ELMO1: variants seen among roughly 807,000 people sequenced by gnomAD.
ELMO1 encodes the protein engulfment and cell motility 1.
ELMO1 carries 26 observed loss-of-function variants against 98.9 expected under a neutral mutation model. The observed-to-expected ratio is 0.26, with a 90% CI of 0.19 to 0.36. The LOEUF is 0.36. Among genes scored for constraint, ELMO1 ranks in the 10% least tolerant of loss-of-function variants. The pLI, the probability that ELMO1 is intolerant of heterozygous loss-of-function variation, is 1.00. For synonymous variants in ELMO1, 346 were observed against 346.0 expected (o/e 1.00, Z 0.00); for missense variants, 627 against 935.2 (o/e 0.67, Z 4.30).
In ELMO1 at chr7:37,342,031, TA is replaced by T. The variant is rs1800747937; in HGVS notation, c.78+581del. The stretch of plus-strand genomic sequence containing the variant: ...AAGCCACTTTTATAAGTCTTCTTGA[TA>T]TTTTTTAATTCAATAAACATTTGTT... On this transcript the variant is annotated intron_variant, in intron 2 of 21. Coordinates refer to ENST00000310758, the MANE Select transcript of ELMO1 (RefSeq NM_014800.11). This position sits in a 1 kb window ranked among gnomAD's most constrained non-coding sequence, Gnocchi z 4.3. 6.6e-6 allele frequency among the ~76,000 whole-genome samples: 1 copy of T among 152,202 alleles called. No individual in the cohort carries two copies. Among genetic ancestry groups the T allele is most frequent in the Non-Finnish European group, 1.5e-5 (1 of 68,024 alleles).
chr7:37,389,298 T>G (rs1324480445), intron 1 of ELMO1, among the ~76,000 whole-genome samples: 2 of 152,042 alleles, frequency 1.3e-5, no homozygotes, highest in East Asian at 3.9e-4. Context: ...TTTCAAAGAG[T>G]CCAAAATAAA....
intron 1 of ELMO1, among the ~76,000 whole-genome samples, chr7:37,365,282 C>T (rs1387758811): frequency 6.6e-6 from 1 of 152,182 alleles, no homozygotes; most frequent in Non-Finnish European, 1.5e-5. Context: ...TTGCTGAGCA[C>T]CGATCAATTC....
chr7:37,267,442 G>A (rs1205598858), intron 5 of ELMO1, among the ~76,000 whole-genome samples: 8 of 152,300 alleles, frequency 5.3e-5, no homozygotes, highest in South Asian at 2.1e-4. Context: ...ATGCTTGGGC[G>A]CGCGCACGCG....
chr7:37,324,987 A>G (rs1799720589), intron 2 of ELMO1, among the ~76,000 whole-genome samples: 1 of 152,174 alleles, frequency 6.6e-6, no homozygotes, highest in South Asian at 2.1e-4. Context: ...TATGAAGATT[A>G]ATTGAGATAA....
intron 4 of ELMO1, among the ~76,000 whole-genome samples, chr7:37,280,973 GGATA>G (rs1201712861): frequency 3.3e-5 from 5 of 149,282 alleles, no homozygotes; most frequent in Non-Finnish European, 7.4e-5. Context: ...ATCAACGAAT[GGATA>G]AAGAAACTGT....
At chr7:37,278,664 C>A (rs1420149586) in intron 4 of ELMO1, among the ~76,000 whole-genome samples, 1 of 152,224 alleles carries the variant, frequency 6.6e-6, no homozygotes, top group East Asian at 1.9e-4. Context: ...CTCCCATAAT[C>A]CCATGAGGTA....
At chr7:36,961,093 T>C (rs1788910948) in intron 16 of ELMO1, among the ~76,000 whole-genome samples, 6 of 152,206 alleles carry the variant, frequency 3.9e-5, no homozygotes, top group Non-Finnish European at 8.8e-5. Context: ...CCTCCAGTCA[T>C]TGATGCCATA....
intron 13 of ELMO1, among the ~76,000 whole-genome samples, chr7:37,133,659 C>T (rs1330909733): frequency 7.9e-5 from 12 of 152,170 alleles, no homozygotes; most frequent in Admixed American, 7.9e-4. Flanking sequence ...CTACCCACAC[C>T]TTGACTCCGC....
chr7:37,220,964 GGTAT>G (rs1793561408), intron 10 of ELMO1, among the ~76,000 whole-genome samples: 1 of 152,150 alleles, frequency 6.6e-6, no homozygotes, highest in Non-Finnish European at 1.5e-5. Flanking sequence ...GTCAAGCTTG[GGTAT>G]GTACACGGTG....
intron 14 of ELMO1, among the ~76,000 whole-genome samples, chr7:37,113,486 G>A (rs1785376783): frequency 6.6e-6 from 1 of 152,200 alleles, no homozygotes; most frequent in African/African-American, 2.4e-5. Context: ...CTTTATATCT[G>A]GAGGTGACAG....
chr7:37,226,193 G>A (rs1793866160), intron 8 of ELMO1, among the ~76,000 whole-genome samples: 1 of 152,164 alleles, frequency 6.6e-6, no homozygotes, highest in Non-Finnish European at 1.5e-5. Context: ...GAAATAATGT[G>A]AAGAAGTGCA....
intron 13 of ELMO1, among the ~76,000 whole-genome samples, chr7:37,201,981 G>C (rs1227942899): frequency 1.3e-5 from 2 of 152,168 alleles, no homozygotes; most frequent in East Asian, 1.9e-4. Flanking sequence ...AACCATCCCA[G>C]GTAATCCCTT....
At chr7:37,102,050 C>T (rs1317663923) in intron 14 of ELMO1, among the ~76,000 whole-genome samples, 3 of 152,090 alleles carry the variant, frequency 2.0e-5, no homozygotes, top group African/African-American at 7.2e-5. Context: ...ATGAGATCTC[C>T]CCACATTCCA....
At chr7:37,123,592 C>T (rs200530110) in intron 14 of ELMO1, among the ~76,000 whole-genome samples, 3 of 151,946 alleles carry the variant, frequency 2.0e-5, no homozygotes, top group Admixed American at 6.6e-5. Context: ...ACCAGGAAGA[C>T]GTTGAATCTC....
intron 14 of ELMO1, among the ~76,000 whole-genome samples, chr7:37,112,725 C>T (rs1002686739): frequency 6.6e-6 from 1 of 152,066 alleles, no homozygotes; most frequent in African/African-American, 2.4e-5. Context: ...ATTTTGGAAC[C>T]TTGGGTTTTA....
intron 1 of ELMO1, among the ~76,000 whole-genome samples, chr7:37,428,480 T>C (rs1804800678): frequency 6.6e-6 from 1 of 152,208 alleles, no homozygotes; most frequent in South Asian, 2.1e-4. Flanking sequence ...CTGGAGCCAA[T>C]CTCATCTGTG....
At chr7:37,167,074 T>C (rs1201404837) in intron 13 of ELMO1, among the ~76,000 whole-genome samples, 1 of 152,218 alleles carries the variant, frequency 6.6e-6, no homozygotes, top group Non-Finnish European at 1.5e-5. Flanking sequence ...GTTGAATTGA[T>C]CCCTTTATCA....
intron 1 of ELMO1, among the ~76,000 whole-genome samples, chr7:37,428,786 C>T (rs375620976): frequency 7.2e-5 from 11 of 152,228 alleles, no homozygotes; most frequent in Non-Finnish European, 1.3e-4. Flanking sequence ...ATAGTGCTTA[C>T]GCACCTCTTA....
chr7:37,376,322 C>G (rs1259228469), intron 1 of ELMO1, among the ~76,000 whole-genome samples: 1 of 152,192 alleles, frequency 6.6e-6, no homozygotes, highest in Non-Finnish European at 1.5e-5. Context: ...ATAGACAAAG[C>G]TAACTATGGG....
Sources: gnomAD v4.1 joint callset for allele counts (sites outside exome capture counted in the v4.1 genomes callset) on GRCh38, gnomAD v4.1.1 for gene constraint, Gnocchi (gnomAD v3.1) non-coding constraint, MANE v1.5 for transcripts, NCBI Gene and HGNC (gene_info 2026-07-23, HGNC 2026-07-21) for gene names.